The following MAGI1 variants were observed in gnomAD, a reference collection of about 807,000 sequenced individuals.
MAGI1 encodes the protein membrane-associated guanylate kinase, WW and PDZ domain-containing protein 1.
MAGI1 carries 58 observed loss-of-function variants against 139.9 expected under a neutral mutation model. The ratio of observed to expected loss-of-function variants is 0.41; its 90% CI spans 0.34 to 0.52. MAGI1 has a LOEUF of 0.52. MAGI1 is among the 20% of genes least tolerant of loss of function. The probability of loss-of-function intolerance (pLI) is 0.12; values close to 1 mark genes in which losing one functional copy is unlikely to be tolerated. For synonymous variants in MAGI1, 812 were observed against 737.9 expected (o/e 1.10, Z -1.63); for missense variants, 1,874 against 1,901.6 (o/e 0.99, Z 0.27).
intron 1 of MAGI1, among the ~76,000 whole-genome samples, chr3:65,699,608 T>C (rs1213743936): frequency 6.7e-6 from 1 of 149,170 alleles, no homozygotes; most frequent in Non-Finnish European, 1.5e-5. Flanking sequence ...ATCATCATTC[T>C]CAGTAAACTA....
intron 1 of MAGI1, among the ~76,000 whole-genome samples, chr3:65,747,707 T>C (rs2035817530): frequency 6.6e-6 from 1 of 152,110 alleles, no homozygotes; most frequent in Non-Finnish European, 1.5e-5. Context: ...TAATGCAAGA[T>C]GTTAAGAAGA....
intron 2 of MAGI1, among the ~76,000 whole-genome samples, chr3:65,559,271 T>C (rs532235626): frequency 6.6e-6 from 1 of 152,330 alleles, no homozygotes; most frequent in African/African-American, 2.4e-5. Context: ...AATTAGAGGA[T>C]TAAATAATCC....
At chr3:65,700,949 A>G (rs2089559653) in intron 1 of MAGI1, among the ~76,000 whole-genome samples, 1 of 152,176 alleles carries the variant, frequency 6.6e-6, no homozygotes, top group Non-Finnish European at 1.5e-5. Flanking sequence ...TTAGAACATG[A>G]AGGCTGGGAC....
chr3:65,847,365 C>T (rs1575691604), intron 1 of MAGI1, among the ~76,000 whole-genome samples: 1 of 151,882 alleles, frequency 6.6e-6, no homozygotes, highest in African/African-American at 2.4e-5. Flanking sequence ...CTTTTCTGGC[C>T]GGCACCACCT....
At chr3:65,989,758 G>A (rs1283155580) in intron 1 of MAGI1, among the ~76,000 whole-genome samples, 3 of 152,076 alleles carry the variant, frequency 2.0e-5, no homozygotes, top group East Asian at 1.9e-4. Flanking sequence ...GGCTGGTCTC[G>A]AACTCCTGGC....
rs141922787 is a variant in MAGI1 at position 65,457,039 on chromosome 3, C to T, written c.960-3699G>A. 3.7e-3 allele frequency among the ~76,000 whole-genome samples: 560 copies of T among 151,922 alleles called. 2 individuals are homozygous for T. Among genetic ancestry groups the T allele is most frequent in the African/African-American group, 0.013 (520 of 41,286 alleles). ...TGTTTTAGCTATTCTCTTTCCTTTG[C>T]CTTTCCATTTATATTTTAGAATAAA... On this transcript the variant is annotated intron_variant, in intron 5 of 22. Coordinates refer to ENST00000402939, the MANE Select transcript of MAGI1 (RefSeq NM_001033057.2).
intron 1 of MAGI1, among the ~76,000 whole-genome samples, chr3:65,802,005 A>G (rs264099): frequency 0.52 from 78,092 of 151,568 alleles, 20,855 homozygotes; most frequent in East Asian, 0.88. Context: ...TAGGTTGGAC[A>G]CTCCTTATTA....
intron 1 of MAGI1, among the ~76,000 whole-genome samples, chr3:65,815,634 AT>A (rs558899074): frequency 1.6e-3 from 241 of 152,344 alleles, no homozygotes; most frequent in African/African-American, 5.5e-3. Flanking sequence ...ATTCTATACT[AT>A]TAAACATGTA....
intron 1 of MAGI1, among the ~76,000 whole-genome samples, chr3:65,681,849 C>T (rs1433139442): frequency 6.6e-6 from 1 of 151,980 alleles, no homozygotes; most frequent in African/African-American, 2.4e-5. Flanking sequence ...AGAGTTTTGG[C>T]TTTTTTTGTT....
intron 1 of MAGI1, among the ~76,000 whole-genome samples, chr3:66,016,764 T>C (rs911715960): frequency 6.6e-6 from 1 of 152,062 alleles, no homozygotes; most frequent in African/African-American, 2.4e-5. Flanking sequence ...CATCAACAGA[T>C]GAAGGGTGAG....
At chr3:65,593,606 T>G (rs1244284198) in intron 2 of MAGI1, among the ~76,000 whole-genome samples, 1 of 152,058 alleles carries the variant, frequency 6.6e-6, no homozygotes, top group South Asian at 2.1e-4. Flanking sequence ...TTTCAAGGAG[T>G]TGTACTTTTT....
intron 1 of MAGI1, among the ~76,000 whole-genome samples, chr3:65,876,650 C>T (rs771820912): frequency 6.6e-6 from 1 of 151,942 alleles, no homozygotes; most frequent in Non-Finnish European, 1.5e-5. Flanking sequence ...TGATGTCACA[C>T]TGAAGAATGG....
intron 2 of MAGI1, among the ~76,000 whole-genome samples, chr3:65,595,000 T>C (rs1305235205): frequency 6.6e-6 from 1 of 152,260 alleles, no homozygotes; most frequent in Non-Finnish European, 1.5e-5. Flanking sequence ...TCACATCACC[T>C]GCTTTATATT....
Position 66,036,549 on chromosome 3 carries a change from C to T in MAGI1, c.313+1447G>A, listed in dbSNP as rs534898052. ...CTGGAGGGCTTCTTGGAGGAGGTAT[C>T]CCAGTGGAGAATGAAGTCATAAATA... On this transcript the variant is annotated intron_variant, in intron 1 of 22. Coordinates refer to ENST00000402939, the MANE Select transcript of MAGI1 (RefSeq NM_001033057.2). Among the ~76,000 whole-genome samples the T allele has an allele frequency of 2.0e-5, 3 of 152,262 alleles. No homozygotes were observed. The South Asian group carries it at 6.2e-4, about 32-fold the overall frequency.
intron 18 of MAGI1, among the ~76,000 whole-genome samples, chr3:65,375,072 C>T (rs11713877): frequency 0.036 from 5,425 of 152,124 alleles, 142 homozygotes; most frequent in South Asian, 0.052. Context: ...TAATACAGCT[C>T]ATATTATACA....
intron 1 of MAGI1, chr3:65,907,800 G>C (rs2061497173): frequency 6.6e-6 from 1 of 152,180 alleles, no homozygotes; most frequent in Non-Finnish European, 1.5e-5. Flanking sequence ...TTTCAGGCTT[G>C]TTCCTGCCTC....
At chr3:65,367,656 G>C (rs1386282458) in intron 18 of MAGI1, among the ~76,000 whole-genome samples, 1 of 152,092 alleles carries the variant, frequency 6.6e-6, no homozygotes, top group Admixed American at 6.6e-5. Flanking sequence ...TACAAATGAA[G>C]ACACTGGGGT....
chr3:65,490,555 A>T (rs1361999192), intron 3 of MAGI1, among the ~76,000 whole-genome samples: 1 of 152,000 alleles, frequency 6.6e-6, no homozygotes, highest in African/African-American at 2.4e-5. Context: ...AAAACTTATG[A>T]GCCATCTCGG....
intron 1 of MAGI1, chr3:65,688,146 G>C: frequency 4.0e-6 from 3 of 755,350 alleles, no homozygotes; most frequent in Admixed American, 1.8e-5. Flanking sequence ...GTTCCTGCCA[G>C]GGTCCATGGG....
Sources: gnomAD v4.1 joint callset for allele counts (sites outside exome capture counted in the v4.1 genomes callset) on GRCh38, gnomAD v4.1.1 for gene constraint, MANE v1.5 for transcripts, NCBI Gene and HGNC (gene_info 2026-07-23, HGNC 2026-07-21) for gene names.